RAPGEF2: variants seen among roughly 807,000 people sequenced by gnomAD.
RAPGEF2 encodes Rap guanine nucleotide exchange factor 2, also known as PDZ domain containing guanine nucleotide exchange factor (GEF) 1.
In RAPGEF2, 54 loss-of-function variants were observed where a neutral mutation model predicts 186.7. That is an observed-to-expected ratio of 0.29 (90% CI 0.23 to 0.36). RAPGEF2 has a LOEUF of 0.36. RAPGEF2 is among the 10% of genes least tolerant of loss of function. The pLI, the probability that RAPGEF2 is intolerant of heterozygous loss-of-function variation, is 1.00. For missense variants in RAPGEF2, 1,532 were observed against 2,045.0 expected, an observed-to-expected ratio of 0.75 and a Z score of 4.84; for synonymous variants, 712 against 705.9, an observed-to-expected ratio of 1.01 and a Z score of -0.14.
chr4:159,351,802 T>C (rs967109136), intron 26 of RAPGEF2, among the ~76,000 whole-genome samples: 16 of 150,222 alleles, frequency 1.1e-4, no homozygotes, highest in Non-Finnish European at 2.1e-4. Flanking sequence ...AAAAAAAAAA[T>C]TAGCCAGACA....
chr4:159,125,369 A>G (rs930031965), intron 1 of RAPGEF2, among the ~76,000 whole-genome samples: 5 of 152,242 alleles, frequency 3.3e-5, no homozygotes, highest in Admixed American at 3.3e-4. Context: ...GTGTCAAAAC[A>G]GAAACTTACC....
chr4:159,300,041 A>G (rs568202077), intron 7 of RAPGEF2, among the ~76,000 whole-genome samples: 1 of 152,024 alleles, frequency 6.6e-6, no homozygotes, highest in South Asian at 2.1e-4. Flanking sequence ...CAGGCTTTCA[A>G]TAAATGATGG....
intron 1 of RAPGEF2, among the ~76,000 whole-genome samples, chr4:159,127,229 A>G (rs895128531): frequency 1.3e-5 from 2 of 152,066 alleles, no homozygotes; most frequent in Admixed American, 6.6e-5. Context: ...GTTTCACCAC[A>G]TTGGCCAGGC....
intron 7 of RAPGEF2, among the ~76,000 whole-genome samples, chr4:159,249,278 A>G (rs908614480): frequency 1.4e-5 from 2 of 147,300 alleles, no homozygotes; most frequent in Non-Finnish European, 3.0e-5. Flanking sequence ...GATTTTAAAA[A>G]AAGTCTCTTT....
intron 20 of RAPGEF2, among the ~76,000 whole-genome samples, chr4:159,342,588 T>A (rs563202455): frequency 2.1e-5 from 3 of 145,460 alleles, no homozygotes; most frequent in African/African-American, 7.6e-5. Context: ...TTTATTTTAT[T>A]TTATTTTATT....
At chr4:159,351,844 G>A (rs180709298) in intron 26 of RAPGEF2, among the ~76,000 whole-genome samples, 45 of 152,170 alleles carry the variant, frequency 3.0e-4, no homozygotes, top group African/African-American at 9.2e-4. Flanking sequence ...CCAGCCACTC[G>A]GGAGGCTGAG....
intron 1 of RAPGEF2, among the ~76,000 whole-genome samples, chr4:159,157,764 G>A (rs958641618): frequency 2.0e-5 from 3 of 152,160 alleles, no homozygotes; most frequent in Non-Finnish European, 4.4e-5. Context: ...TTTGGACCTT[G>A]AAAAACACTC....
Position 159,353,576 on chromosome 4 carries a change from A to C in RAPGEF2, c.4181A>C (p.Gln1394Pro). The C allele has an allele frequency of 6.3e-7, 1 of 1,583,774 alleles. No homozygotes were observed. Among genetic ancestry groups the C allele is most frequent in the South Asian group, 1.2e-5 (1 of 84,752 alleles). The change falls in exon 28 of 30, where the codon CAG becomes CCG. Residue 1394 changes from glutamine to proline, a missense_variant. By Grantham distance (76) the Gln-to-Pro change is moderately conservative. This residue lies in a region of RAPGEF2 where 594 missense variants were observed against 608.5 expected (regional missense o/e 0.98). Transcript: ENST00000691494. This position sits in a 1 kb window ranked among gnomAD's most constrained non-coding sequence, Gnocchi z 4.3. ...SPSTEELSQD[Q>P]GDRASLDAAD... ...AGCACAGAGGAACTTTCCCAGGATC[A>C]GGGGGATCGCGCGTCACTTGATGCT...
intron 26 of RAPGEF2, among the ~76,000 whole-genome samples, chr4:159,352,114 T>C (rs1332490746): frequency 6.6e-6 from 1 of 152,244 alleles, no homozygotes; most frequent in Non-Finnish European, 1.5e-5. Context: ...TTCAAAACGA[T>C]TGGCTTTTAT....
intron 3 of RAPGEF2, among the ~76,000 whole-genome samples, chr4:159,198,335 T>TTTC (rs1491282307): frequency 0.039 from 1,716 of 43,562 alleles, 92 homozygotes; most frequent in African/African-American, 0.11. Context: ...TCTTTCTTTC[T>TTTC]TTTTCTTTCT....
intron 7 of RAPGEF2, among the ~76,000 whole-genome samples, chr4:159,290,989 A>G (rs1283747582): frequency 1.3e-5 from 2 of 152,234 alleles, no homozygotes; most frequent in African/African-American, 4.8e-5. Flanking sequence ...ATCCTTAGAA[A>G]TAAATCCTAA....
chr4:159,262,245 G>A (rs896126926), intron 7 of RAPGEF2, among the ~76,000 whole-genome samples: 4 of 152,154 alleles, frequency 2.6e-5, no homozygotes, highest in Non-Finnish European at 4.4e-5. Context: ...AGTTTGTGAT[G>A]CAGTATTTCC....
At chr4:159,245,158 ATGCAT>A (rs1406262276) in intron 7 of RAPGEF2, among the ~76,000 whole-genome samples, 11 of 152,154 alleles carry the variant, frequency 7.2e-5, no homozygotes, top group African/African-American at 2.6e-4. Context: ...TTAAAATTAG[ATGCAT>A]TGCAGTAGTT....
chr4:159,348,741 C>T (rs985260184), intron 25 of RAPGEF2, among the ~76,000 whole-genome samples: 3 of 152,104 alleles, frequency 2.0e-5, no homozygotes, highest in African/African-American at 7.2e-5. Context: ...AAAGCTCTAT[C>T]CCCCATGTTT....
rs1416384979 is a variant in RAPGEF2 at position 159,306,702 on chromosome 4, T to TA, written c.675+2230dup. On this transcript the variant is annotated intron_variant, in intron 8 of 29. Coordinates refer to ENST00000691494, the MANE Select transcript of RAPGEF2 (RefSeq NM_001394067.2). ...GGAGTGGGAAAGTGGGCATCCTTGT[T>TA]ACAGTTCTTATGGGGAATGCTTTCA... is the stretch of plus-strand genomic sequence containing the variant. Among the ~76,000 whole-genome samples, 8 of 152,260 alleles carry TA rather than the reference T, an allele frequency of 5.3e-5. No homozygotes were observed. The Middle Eastern group carries it at 0.024, about 453-fold the overall frequency.
intron 8 of RAPGEF2, among the ~76,000 whole-genome samples, chr4:159,309,934 G>A (rs1763765815): frequency 6.6e-6 from 1 of 152,024 alleles, no homozygotes. Flanking sequence ...TTCTTATTTT[G>A]TATCATAATT....
chr4:159,105,043 C>A (rs1737725736), intron 1 of RAPGEF2, among the ~76,000 whole-genome samples: 1 of 152,166 alleles, frequency 6.6e-6, no homozygotes, highest in Non-Finnish European at 1.5e-5. Context: ...ATTTGTTTAC[C>A]TGCAGGCTTA....
At chr4:159,331,231 G>A (rs1766641534) in intron 13 of RAPGEF2, among the ~76,000 whole-genome samples, 200 bp from the exon 14 acceptor site, 1 of 152,140 alleles carries the variant, frequency 6.6e-6, no homozygotes, top group Non-Finnish European at 1.5e-5. Context: ...TCCTGGCAAA[G>A]CAACATGAAG....
intron 3 of RAPGEF2, among the ~76,000 whole-genome samples, chr4:159,199,680 C>T (rs1341494313): frequency 6.6e-6 from 1 of 152,066 alleles, no homozygotes; most frequent in African/African-American, 2.4e-5. Flanking sequence ...TTTTTATATC[C>T]TTTCTGATGT....
Sources: gnomAD v4.1 joint callset for allele counts (sites outside exome capture counted in the v4.1 genomes callset) on GRCh38, gnomAD v4.1.1 for gene constraint, gnomAD v4.1.1 regional missense constraint, Gnocchi (gnomAD v3.1) non-coding constraint, MANE v1.5 for transcripts, NCBI Gene and HGNC (gene_info 2026-07-23, HGNC 2026-07-21) for gene names.